VPS35L: variants seen among roughly 807,000 people sequenced by gnomAD.
VPS35L encodes the protein VPS35 endosomal protein sorting factor like.
In VPS35L, 83 loss-of-function variants were observed where a neutral mutation model predicts 133.0. That is an observed-to-expected ratio of 0.62 (90% CI 0.52 to 0.75). VPS35L has a LOEUF of 0.75. VPS35L is among the 30% of genes least tolerant of loss of function. VPS35L has a pLI of 0.00. For synonymous variants in VPS35L, 423 were observed against 449.9 expected, an observed-to-expected ratio of 0.94 and a Z score of 0.76; for missense variants, 1,083 against 1,206.8, an observed-to-expected ratio of 0.90 and a Z score of 1.52.
chr16:19,614,807 A>G (rs1213085619), intron 12 of VPS35L, among the ~76,000 whole-genome samples: 3 of 152,244 alleles, frequency 2.0e-5, no homozygotes, highest in Admixed American at 1.3e-4. Flanking sequence ...TTTTAAACCT[A>G]TGAACTCCCC....
chr16:19,666,774 ATACT>A (rs1974676202), intron 26 of VPS35L, among the ~76,000 whole-genome samples: 1 of 152,166 alleles, frequency 6.6e-6, no homozygotes, highest in East Asian at 1.9e-4. Context: ...GTTTCATGAT[ATACT>A]TACTTCACTG....
intron 24 of VPS35L, 133 bp from the exon 25 acceptor site, chr16:19,650,249 T>C (rs1974081564): frequency 1.4e-6 from 1 of 738,950 alleles, no homozygotes; most frequent in Non-Finnish European, 2.4e-6. Flanking sequence ...CAAGGTTTAG[T>C]GCTAACCAGT....
intron 26 of VPS35L, among the ~76,000 whole-genome samples, chr16:19,656,278 A>AAAAG (rs1182926331): frequency 2.1e-4 from 31 of 145,168 alleles, no homozygotes; most frequent in African/African-American, 5.5e-4. Context: ...AAAAAAAAAA[A>AAAAG]AAAGAAAGAA....
intron 28 of VPS35L, among the ~76,000 whole-genome samples, chr16:19,683,789 C>T (rs924424919): frequency 6.6e-6 from 1 of 152,144 alleles, no homozygotes; most frequent in Admixed American, 6.5e-5. Flanking sequence ...TTCAGTAGAA[C>T]GATTTATTTT....
intron 15 of VPS35L, among the ~76,000 whole-genome samples, chr16:19,627,280 CA>C (rs202039256): frequency 0.11 from 11,517 of 108,954 alleles, 556 homozygotes; most frequent in East Asian, 0.23. Context: ...GACTCCATCT[CA>C]AAAAAAAAAA....
chr16:19,558,699 T>C (rs1970935179), intron 1 of VPS35L, among the ~76,000 whole-genome samples: 1 of 151,900 alleles, frequency 6.6e-6, no homozygotes. Flanking sequence ...GGCGGGTGGA[T>C]CACTTGATGT....
chr16:19,595,303 T>A (rs1033917847), intron 8 of VPS35L, among the ~76,000 whole-genome samples: 2 of 151,944 alleles, frequency 1.3e-5, no homozygotes, highest in African/African-American at 4.8e-5. Flanking sequence ...GAGGCAGGGG[T>A]GGCTTGGCCC....
intron 26 of VPS35L, among the ~76,000 whole-genome samples, chr16:19,666,051 G>A (rs1012339052): frequency 2.6e-5 from 4 of 151,566 alleles, no homozygotes; most frequent in Non-Finnish European, 4.4e-5. Flanking sequence ...CTATAGAGTT[G>A]TTTGAGCTCC....
intron 6 of VPS35L, 95 bp downstream of exon 6, chr16:19,579,223 C>A: frequency 1.7e-6 from 2 of 1,149,650 alleles, no homozygotes; most frequent in Non-Finnish European, 1.3e-6. Context: ...TTGATTAATT[C>A]CTGGGCTGCG....
intron 12 of VPS35L, among the ~76,000 whole-genome samples, chr16:19,610,872 G>T (rs917983819): frequency 6.6e-6 from 1 of 152,158 alleles, no homozygotes; most frequent in African/African-American, 2.4e-5. Flanking sequence ...TTAGGTGGCT[G>T]CTGTGAAAGG....
intron 26 of VPS35L, among the ~76,000 whole-genome samples, chr16:19,667,063 A>C (rs1449177501): frequency 6.6e-6 from 1 of 151,170 alleles, no homozygotes; most frequent in Non-Finnish European, 1.5e-5. Flanking sequence ...CGACGGGTTC[A>C]AGTGATTCTC....
intron 15 of VPS35L, among the ~76,000 whole-genome samples, chr16:19,626,437 T>G (rs1171237234): frequency 6.6e-6 from 1 of 152,160 alleles, no homozygotes; most frequent in African/African-American, 2.4e-5. Context: ...TCTCTGTGCC[T>G]CTGTCTCTTC....
rs1471082178 is a variant in VPS35L at position 19,674,180 on chromosome 16, T to TTTTC, written c.2361+4885_2361+4888dup. 1.1e-3 allele frequency among the ~76,000 whole-genome samples: 154 copies of TTTTC among 138,376 alleles called. 1 individual carries two copies. The highest frequency in any genetic ancestry group is 4.1e-3 in the African/African-American group (142 of 34,616). 90.8% of individuals were successfully genotyped at this position (138,376 alleles called of 152,430 possible). On this transcript the variant is annotated intron_variant, in intron 27 of 30. Transcript: ENST00000417362. ...CTTCTACCTGGTTCAGTTTTTTTCTTTTTCTTTTTTTTTTTTTTTTTTTTT... is the reference window on the plus strand; with the variant it reads ...CTTCTACCTGGTTCAGTTTTTTTCTTTTTCTTTCTTTTTTTTTTTTTTTTTTTTT...
chr16:19,682,539 T>A, intron 28 of VPS35L, 149 bp downstream of exon 28: 1 of 931,296 alleles, frequency 1.1e-6, no homozygotes, highest in Non-Finnish European at 1.6e-6. Flanking sequence ...TTACCTGATC[T>A]AAGATTTACC....
chr16:19,591,987 G>T (rs1972059130), intron 8 of VPS35L, 113 bp downstream of exon 8: 1 of 801,600 alleles, frequency 1.2e-6, no homozygotes, highest in East Asian at 2.5e-5. Context: ...TATTAAGTAA[G>T]TCATGGGAGA....
In VPS35L at chr16:19,576,193, A is replaced by AC. The variant is rs199559569; in HGVS notation, c.433+1072dup. Among the ~76,000 whole-genome samples, 203 of 146,568 alleles carry AC rather than the reference A, an allele frequency of 1.4e-3. No homozygotes were observed. The Middle Eastern group carries it at 0.014, about 10-fold the overall frequency. On this transcript the variant is annotated intron_variant, in intron 5 of 30. Transcript: ENST00000417362. Reference sequence around the variant, plus strand: ...AAAAAAAAAAAAACAAAAAAAAAAAACAAAGAGGTTACTAGGAGTAAAACG... The same window carrying AC: ...AAAAAAAAAAAAACAAAAAAAAAAAACCAAAGAGGTTACTAGGAGTAAAACG...
chr16:19,606,425 A>G (rs1972540043), intron 9 of VPS35L, among the ~76,000 whole-genome samples: 1 of 152,182 alleles, frequency 6.6e-6, no homozygotes, highest in African/African-American at 2.4e-5. Context: ...TCATGTGTAG[A>G]GATCTAGGCT....
chr16:19,566,731 A>G (rs1971201914), intron 2 of VPS35L, among the ~76,000 whole-genome samples: 2 of 152,006 alleles, frequency 1.3e-5, no homozygotes, highest in South Asian at 2.1e-4. Flanking sequence ...TTTGAACCCA[A>G]TTTGAACAGT....
In VPS35L at chr16:19,616,762, C is replaced by T; in HGVS notation, c.1178C>T (p.Pro393Leu). 1.2e-6 allele frequency: 2 copies of T among 1,614,178 alleles called. No individual in the cohort carries two copies. The highest frequency in any genetic ancestry group is 1.7e-6 in the Non-Finnish European group (2 of 1,180,034). Reference sequence around the variant, plus strand: ...CCATCTTACCTCCCCTTGTACCCGCCTGCCATGGACTGGATCTTCCAGTGC... The same window carrying T: ...CCATCTTACCTCCCCTTGTACCCGCTTGCCATGGACTGGATCTTCCAGTGC... ...ELPSYLPLYP[P>L]AMDWIFQCIS... is the part of the protein sequence containing the mutation. Residue 393 changes from proline (P) to leucine (L), a missense_variant, in exon 14 of 31, where the codon CCT (proline) becomes CTT (leucine). By Grantham distance (98) the Pro-to-Leu change is moderately conservative. Coordinates refer to ENST00000417362, the MANE Select transcript of VPS35L (RefSeq NM_020314.7).
Sources: gnomAD v4.1 joint callset for allele counts (sites outside exome capture counted in the v4.1 genomes callset) on GRCh38, gnomAD v4.1.1 for gene constraint, MANE v1.5 for transcripts, NCBI Gene and HGNC (gene_info 2026-07-23, HGNC 2026-07-21) for gene names.